Variants in NDUFAF2 observed in about 807,000 individuals in gnomAD.
The protein encoded by NDUFAF2 is NADH:ubiquinone oxidoreductase complex assembly factor 2.
In NDUFAF2, 13 loss-of-function variants were observed where a neutral mutation model predicts 22.8. The observed-to-expected ratio is 0.57, with a 90% confidence interval of 0.37 to 0.91. The LOEUF is 0.91. Ranked by LOEUF, NDUFAF2 falls within the 40% of genes least tolerant of loss-of-function variation. The pLI is 0.01. For synonymous variants in NDUFAF2, 53 were observed against 64.2 expected (o/e 0.83, Z 0.84); for missense variants, 162 against 195.2 (o/e 0.83, Z 1.01).
At chr5:60,972,773 G>GTTTTTTTTTTTTTTTGGTTTTTTTTTTT (rs35076688) in intron 1 of NDUFAF2, among the ~76,000 whole-genome samples, 1 of 103,926 alleles carries the variant, frequency 9.6e-6, no homozygotes, top group Non-Finnish European at 1.9e-5. Context: ...TGTGTATTCT[G>GTTTTTTTTTTTTTTTGGTTTTTTTTTTT]TTTTTTTTTT....
At chr5:61,085,419 GA>G (rs921619585) in intron 2 of NDUFAF2, among the ~76,000 whole-genome samples, 6 of 151,960 alleles carry the variant, frequency 3.9e-5, no homozygotes, top group Admixed American at 2.0e-4. Context: ...ATTAAGGGGG[GA>G]AAAAAACCTA....
chr5:61,081,188 T>C (rs1482987865), intron 2 of NDUFAF2, among the ~76,000 whole-genome samples: 1 of 152,192 alleles, frequency 6.6e-6, no homozygotes, highest in East Asian at 1.9e-4. Flanking sequence ...GTTATTTATC[T>C]TTTTGCTAGT....
intron 1 of NDUFAF2, among the ~76,000 whole-genome samples, chr5:60,951,803 C>T (rs574216017): frequency 7.9e-5 from 12 of 152,074 alleles, no homozygotes; most frequent in African/African-American, 2.7e-4. Flanking sequence ...TATAAATTGC[C>T]TGTGAAGCCA....
chr5:61,090,803 C>T (rs1034501072), intron 2 of NDUFAF2, among the ~76,000 whole-genome samples: 1 of 151,736 alleles, frequency 6.6e-6, no homozygotes, highest in African/African-American at 2.4e-5. Context: ...AGCCTAGTAC[C>T]CCATTAGTTA....
At chr5:61,121,742 G>A (rs1413678823) in intron 3 of NDUFAF2, among the ~76,000 whole-genome samples, 2 of 151,866 alleles carry the variant, frequency 1.3e-5, no homozygotes, top group Non-Finnish European at 2.9e-5. Context: ...CCAATCAGTT[G>A]AGGACTTTAA....
At chr5:61,086,682 GA>G (rs1324724958) in intron 2 of NDUFAF2, among the ~76,000 whole-genome samples, 1 of 151,810 alleles carries the variant, frequency 6.6e-6, no homozygotes. Context: ...ACTTTTAGAA[GA>G]AAAAGATGAA....
chr5:60,995,448 T>C (rs1490734515), intron 1 of NDUFAF2, among the ~76,000 whole-genome samples: 1 of 152,196 alleles, frequency 6.6e-6, no homozygotes, highest in Non-Finnish European at 1.5e-5. Flanking sequence ...ACTGCCTTGA[T>C]GGTCTTGGAC....
At chr5:61,084,555 A>G (rs1233353471) in intron 2 of NDUFAF2, among the ~76,000 whole-genome samples, 1 of 152,180 alleles carries the variant, frequency 6.6e-6, no homozygotes, top group East Asian at 1.9e-4. Context: ...CGTCATAGAA[A>G]TTGAATCATA....
chr5:61,119,871 CTTTAT>C (rs1328690236), intron 3 of NDUFAF2, among the ~76,000 whole-genome samples: 1 of 152,056 alleles, frequency 6.6e-6, no homozygotes, highest in African/African-American at 2.4e-5. Context: ...ATTTATTTTC[CTTTAT>C]TTTATTAAAA....
chr5:61,030,486 T>C (rs1751709337), intron 1 of NDUFAF2, among the ~76,000 whole-genome samples: 1 of 152,126 alleles, frequency 6.6e-6, no homozygotes, highest in South Asian at 2.1e-4. Flanking sequence ...TCTTGGATCC[T>C]TTTATTGGAT....
intron 3 of NDUFAF2, among the ~76,000 whole-genome samples, chr5:61,126,049 G>A (rs1753032424): frequency 6.6e-6 from 1 of 151,928 alleles, no homozygotes; most frequent in East Asian, 1.9e-4. Flanking sequence ...AAGATCTTCT[G>A]CTTAAAATAA....
At chr5:61,054,241 C>T (rs528515405) in intron 1 of NDUFAF2, among the ~76,000 whole-genome samples, 1 of 152,128 alleles carries the variant, frequency 6.6e-6, no homozygotes, top group East Asian at 1.9e-4. Context: ...ACATCTTAAG[C>T]AGTTTGAAGT....
chr5:60,980,150 C>A (rs11739952), intron 1 of NDUFAF2, among the ~76,000 whole-genome samples: 58,700 of 151,992 alleles, frequency 0.39, 12,335 homozygotes, highest in East Asian at 0.8. Context: ...TCATAACACC[C>A]TTTGAATACT....
At chr5:60,990,662 A>G (rs1370284914) in intron 1 of NDUFAF2, among the ~76,000 whole-genome samples, 1 of 152,118 alleles carries the variant, frequency 6.6e-6, no homozygotes, top group Non-Finnish European at 1.5e-5. Flanking sequence ...CTATATAGCA[A>G]ATTTTTACAA....
intron 1 of NDUFAF2, among the ~76,000 whole-genome samples, chr5:61,031,409 G>C (rs989611635): frequency 6.6e-6 from 1 of 152,006 alleles, no homozygotes; most frequent in Non-Finnish European, 1.5e-5. Context: ...TGTGGTGTTT[G>C]GTTTTCTGTT....
chr5:61,058,622 G>A (rs1752127965), intron 1 of NDUFAF2, among the ~76,000 whole-genome samples: 2 of 151,734 alleles, frequency 1.3e-5, no homozygotes, highest in South Asian at 2.1e-4. Flanking sequence ...TTTTGTGTGT[G>A]TTTAAGACAT....
At chr5:61,152,633 A>G (rs1579857348) in intron 3 of NDUFAF2, 71 bp from the exon 4 acceptor site, 1 of 1,081,844 alleles carries the variant, frequency 9.2e-7, no homozygotes, top group East Asian at 2.7e-5. Context: ...TTTTATTTTT[A>G]TTGGCTATTT....
At chr5:61,004,031 A>G (rs757971797) in intron 1 of NDUFAF2, among the ~76,000 whole-genome samples, 7 of 151,800 alleles carry the variant, frequency 4.6e-5, no homozygotes, top group Non-Finnish European at 1.0e-4. Context: ...TCTTGAAAAC[A>G]TTGCATGATA....
intron 1 of NDUFAF2, among the ~76,000 whole-genome samples, chr5:61,008,487 C>T (rs1269587632): frequency 1.3e-5 from 2 of 152,106 alleles, no homozygotes; most frequent in Admixed American, 1.3e-4. Context: ...AGTTCATCCA[C>T]ACCTTATTTC....
Sources: gnomAD v4.1 joint callset for allele counts (sites outside exome capture counted in the v4.1 genomes callset) on GRCh38, gnomAD v4.1.1 for gene constraint, MANE v1.5 for transcripts, NCBI Gene and HGNC (gene_info 2026-07-23, HGNC 2026-07-21) for gene names.